ANKRD6: variants seen among roughly 807,000 people sequenced by gnomAD.
ANKRD6 encodes ankyrin repeat domain-containing protein 6.
A neutral mutation model predicts 82.3 loss-of-function variants in ANKRD6; 56 were observed. The ratio of observed to expected loss-of-function variants is 0.68; its 90% CI spans 0.55 to 0.85. The LOEUF is 0.85. ANKRD6 is among the 40% of genes least tolerant of loss of function. The pLI, the probability that ANKRD6 is intolerant of heterozygous loss-of-function variation, is 0.00. For missense variants in ANKRD6, 852 were observed against 907.6 expected, an observed-to-expected ratio of 0.94 and a Z score of 0.79; for synonymous variants, 347 against 352.1, an observed-to-expected ratio of 0.99 and a Z score of 0.16.
intron 2 of ANKRD6, among the ~76,000 whole-genome samples, chr6:89,585,939 A>G (rs1793594132): frequency 6.6e-6 from 1 of 152,218 alleles, no homozygotes; most frequent in Non-Finnish European, 1.5e-5. Flanking sequence ...AGATGGTTTC[A>G]TGGTCCTGTT....
intron 1 of ANKRD6, among the ~76,000 whole-genome samples, chr6:89,552,679 G>A (rs556278389): frequency 2.0e-5 from 3 of 152,086 alleles, no homozygotes; most frequent in Non-Finnish European, 4.4e-5. Flanking sequence ...GCCAAGTGCC[G>A]TGCTTATCAT....
chr6:89,476,128 A>G (rs1041650203), intron 1 of ANKRD6, among the ~76,000 whole-genome samples: 1 of 152,120 alleles, frequency 6.6e-6, no homozygotes, highest in African/African-American at 2.4e-5. Flanking sequence ...ACATGTGAAT[A>G]TATTTTACCA....
intron 1 of ANKRD6, among the ~76,000 whole-genome samples, chr6:89,531,803 G>A (rs1302129910): frequency 6.6e-6 from 1 of 152,218 alleles, no homozygotes; most frequent in Non-Finnish European, 1.5e-5. Context: ...AAGGCCAATA[G>A]GTTGTGTGTA....
intron 1 of ANKRD6, among the ~76,000 whole-genome samples, chr6:89,476,911 C>T (rs1776103421): frequency 6.6e-6 from 1 of 152,150 alleles, no homozygotes; most frequent in Admixed American, 6.6e-5. Flanking sequence ...TTTCAAATAT[C>T]ATTTTTCCTT....
chr6:89,618,135 T>C (rs751341116), intron 9 of ANKRD6, 104 bp downstream of exon 9: 5 of 1,289,082 alleles, frequency 3.9e-6, no homozygotes, highest in Non-Finnish European at 3.4e-6. Flanking sequence ...AACTTAAATA[T>C]GGAATGTAAC....
intron 1 of ANKRD6, among the ~76,000 whole-genome samples, chr6:89,444,979 A>G (rs960236766): frequency 3.9e-5 from 6 of 152,114 alleles, no homozygotes; most frequent in Non-Finnish European, 8.8e-5. Context: ...AAAAAAAAAA[A>G]TCTATGTAAG....
chr6:89,626,991 A>G (rs540749895), intron 13 of ANKRD6, among the ~76,000 whole-genome samples: 31 of 152,334 alleles, frequency 2.0e-4, no homozygotes, highest in African/African-American at 7.5e-4. Flanking sequence ...GGAAGAGAAA[A>G]ATCTCCATAC....
chr6:89,590,732 T>G (rs746089446), intron 2 of ANKRD6, among the ~76,000 whole-genome samples: 1 of 152,102 alleles, frequency 6.6e-6, no homozygotes, highest in African/African-American at 2.4e-5. Context: ...AGGGAAAGCA[T>G]GCGGCTGAGC....
At chr6:89,547,973 A>C (rs1282664085) in intron 1 of ANKRD6, among the ~76,000 whole-genome samples, 1 of 152,224 alleles carries the variant, frequency 6.6e-6, no homozygotes, top group African/African-American at 2.4e-5. Flanking sequence ...GGCATATAGC[A>C]TGCAGTCAGT....
intron 2 of ANKRD6, among the ~76,000 whole-genome samples, chr6:89,573,748 G>A (rs7772695): frequency 0.25 from 37,768 of 152,098 alleles, 4,845 homozygotes; most frequent in South Asian, 0.47. Context: ...AACTTCAAAC[G>A]CAGTGCCTCA....
chr6:89,600,352 C>T (rs1376627125), intron 3 of ANKRD6, among the ~76,000 whole-genome samples: 2 of 152,136 alleles, frequency 1.3e-5, no homozygotes, highest in African/African-American at 4.8e-5. Flanking sequence ...TAGTCTGTGC[C>T]GTACCATCCA....
At chr6:89,612,967 T>C (rs915722251) in intron 6 of ANKRD6, among the ~76,000 whole-genome samples, 2 of 152,236 alleles carry the variant, frequency 1.3e-5, no homozygotes, top group Non-Finnish European at 2.9e-5. Context: ...GGTGAGGGTC[T>C]CCCTGTTTGG....
At chr6:89,612,190 A>T in intron 5 of ANKRD6, 82 bp from the exon 6 acceptor site, 8 of 1,271,210 alleles carry the variant, frequency 6.3e-6, no homozygotes, top group Non-Finnish European at 8.8e-6. Flanking sequence ...CCCCCGAGTA[A>T]GTACTGCCCC....
chr6:89,537,580 ATATAAT>A (rs1783983778), intron 1 of ANKRD6, among the ~76,000 whole-genome samples: 1 of 151,804 alleles, frequency 6.6e-6, no homozygotes, highest in Non-Finnish European at 1.5e-5. Flanking sequence ...CTGAATTATT[ATATAAT>A]TATAATATGT....
chr6:89,559,758 T>C (rs1291701286), intron 1 of ANKRD6, among the ~76,000 whole-genome samples: 1 of 152,054 alleles, frequency 6.6e-6, no homozygotes, highest in Non-Finnish European at 1.5e-5. Context: ...AGAGTGATAA[T>C]TTTTTTGGCC....
chr6:89,488,621 A>G (rs1264056228), intron 1 of ANKRD6, among the ~76,000 whole-genome samples: 1 of 152,226 alleles, frequency 6.6e-6, no homozygotes, highest in Non-Finnish European at 1.5e-5. Flanking sequence ...TATGCTTAGT[A>G]AAGGCTGATT....
At chr6:89,543,131 G>T (rs778503170) in intron 1 of ANKRD6, among the ~76,000 whole-genome samples, 4 of 152,212 alleles carry the variant, frequency 2.6e-5, no homozygotes, top group Non-Finnish European at 4.4e-5. Flanking sequence ...GTCAGACGTG[G>T]CGAAAGCAAA....
intron 1 of ANKRD6, among the ~76,000 whole-genome samples, chr6:89,455,360 G>T (rs1324119254): frequency 6.6e-6 from 1 of 152,052 alleles, no homozygotes; most frequent in Non-Finnish European, 1.5e-5. Context: ...GAAGGTGAAG[G>T]GGGAGCAGGC....
intron 1 of ANKRD6, among the ~76,000 whole-genome samples, chr6:89,495,531 A>G (rs983595117): frequency 1.3e-5 from 2 of 152,162 alleles, no homozygotes; most frequent in African/African-American, 4.8e-5. Context: ...GACAGGTACT[A>G]TATAAATGGA....
Sources: allele counts gnomAD v4.1 joint callset (sites outside exome capture counted in the v4.1 genomes callset), GRCh38; gene constraint gnomAD v4.1.1; transcripts MANE v1.5; gene names NCBI Gene and HGNC (gene_info 2026-07-23, HGNC 2026-07-21).